The following FNDC3B variants were observed in gnomAD, a reference collection of about 807,000 sequenced individuals.
The protein encoded by FNDC3B is fibronectin type III domain-containing protein 3B.
In FNDC3B, 12 loss-of-function variants were observed where a neutral mutation model predicts 151.5. The ratio of observed to expected loss-of-function variants is 0.08; its 90% confidence interval spans 0.05 to 0.13. FNDC3B has a LOEUF of 0.13. FNDC3B is among the 10% of genes least tolerant of loss of function. The probability of loss-of-function intolerance (pLI) is 1.00; values close to 1 mark genes in which losing one functional copy is unlikely to be tolerated. For synonymous variants in FNDC3B, 528 were observed against 549.0 expected (o/e 0.96, Z 0.54); for missense variants, 1,214 against 1,505.3 (o/e 0.81, Z 3.20).
chr3:172,137,388 A>G (rs967994398), intron 3 of FNDC3B, among the ~76,000 whole-genome samples: 5 of 152,138 alleles, frequency 3.3e-5, no homozygotes, highest in African/African-American at 7.2e-5. Flanking sequence ...TGAGTAGGGA[A>G]GCTCACACCT....
At chr3:172,091,982 A>C (rs1042128467) in intron 1 of FNDC3B, among the ~76,000 whole-genome samples, 1 of 150,690 alleles carries the variant, frequency 6.6e-6, no homozygotes, top group Non-Finnish European at 1.5e-5. Context: ...TGTAAATTTG[A>C]CTATAAGATG....
chr3:172,387,457 T>C (rs1018391704), intron 25 of FNDC3B, among the ~76,000 whole-genome samples: 2 of 152,212 alleles, frequency 1.3e-5, no homozygotes, highest in African/African-American at 4.8e-5. Context: ...AATTAAACAA[T>C]GAGGCTATGA....
chr3:172,093,987 A>G (rs1242103817), intron 1 of FNDC3B, among the ~76,000 whole-genome samples: 1 of 152,224 alleles, frequency 6.6e-6, no homozygotes, highest in Non-Finnish European at 1.5e-5. Context: ...TCATGTCGTT[A>G]TGCAACCACC....
Position 172,284,606 on chromosome 3 carries a change from G to C in FNDC3B, c.791-1320G>C, listed in dbSNP as rs878860078. On this transcript the variant is annotated intron_variant, in intron 6 of 25. Transcript: ENST00000415807. ...CTGAACAGTAAGGACAAACAGGTCT[G>C]TGCAGAGCTGGGCGTATTAACCCAT... 1.3e-5 allele frequency among the ~76,000 whole-genome samples: 2 copies of C among 151,558 alleles called. 1 individual carries two copies. The highest frequency in any genetic ancestry group is 1.3e-4 in the Admixed American group (2 of 15,196).
chr3:172,085,948 T>C (rs150664109), intron 1 of FNDC3B, among the ~76,000 whole-genome samples: 289 of 152,354 alleles, frequency 1.9e-3, no homozygotes, highest in African/African-American at 6.4e-3. Context: ...AGAGAGCTTT[T>C]ATTTTTCTGT....
chr3:172,376,041 C>A (rs1735122035), intron 23 of FNDC3B, among the ~76,000 whole-genome samples: 1 of 152,182 alleles, frequency 6.6e-6, no homozygotes, highest in South Asian at 2.1e-4. Flanking sequence ...TTAACACTGT[C>A]TCCAGACATA....
intron 1 of FNDC3B, among the ~76,000 whole-genome samples, chr3:172,093,548 G>A (rs1298516553): frequency 1.3e-5 from 2 of 152,084 alleles, no homozygotes; most frequent in South Asian, 2.1e-4. Context: ...GTGAGTCACC[G>A]CGCCCGGCCC....
chr3:172,186,083 T>C (rs1436610670), intron 3 of FNDC3B, among the ~76,000 whole-genome samples: 1 of 152,236 alleles, frequency 6.6e-6, no homozygotes, highest in South Asian at 2.1e-4. Context: ...AAAGCTGAAG[T>C]AAGGATTTCA....
At chr3:172,057,666 A>C (rs1716981102) in intron 1 of FNDC3B, among the ~76,000 whole-genome samples, 1 of 151,070 alleles carries the variant, frequency 6.6e-6, no homozygotes, top group Admixed American at 6.6e-5. Flanking sequence ...TTAATGCTGG[A>C]GAAAAATAAC....
intron 3 of FNDC3B, among the ~76,000 whole-genome samples, chr3:172,204,970 C>T (rs999350760): frequency 6.6e-6 from 1 of 152,204 alleles, no homozygotes; most frequent in Non-Finnish European, 1.5e-5. Context: ...AACAGCTTCA[C>T]TCGGCATTGT....
intron 1 of FNDC3B, among the ~76,000 whole-genome samples, chr3:172,099,296 G>A (rs559988549): frequency 6.6e-6 from 1 of 152,152 alleles, no homozygotes; most frequent in South Asian, 2.1e-4. Flanking sequence ...TGCTTTGGAA[G>A]ACTTCTTTTG....
chr3:172,292,027 C>T (rs1039408488), intron 7 of FNDC3B, among the ~76,000 whole-genome samples: 2 of 152,154 alleles, frequency 1.3e-5, no homozygotes, highest in African/African-American at 4.8e-5. Flanking sequence ...GTGACATTCT[C>T]TTGAAAGACA....
intron 1 of FNDC3B, among the ~76,000 whole-genome samples, chr3:172,045,967 A>C (rs1215223109): frequency 6.6e-6 from 1 of 152,152 alleles, no homozygotes; most frequent in Non-Finnish European, 1.5e-5. Context: ...AGGTACCTCC[A>C]GTGAGATGCC....
intron 6 of FNDC3B, among the ~76,000 whole-genome samples, chr3:172,284,313 T>C (rs1280797093): frequency 6.6e-6 from 1 of 152,198 alleles, no homozygotes; most frequent in Non-Finnish European, 1.5e-5. Flanking sequence ...AAGAGACCTA[T>C]GTGTGGCTCA....
intron 1 of FNDC3B, among the ~76,000 whole-genome samples, chr3:172,049,783 T>C (rs1716553554): frequency 6.6e-6 from 1 of 152,198 alleles, no homozygotes; most frequent in Non-Finnish European, 1.5e-5. Flanking sequence ...CGCCTCTACC[T>C]CCCAAAGTCC....
chr3:172,198,013 C>A (rs1001941905), intron 3 of FNDC3B, among the ~76,000 whole-genome samples: 7 of 152,256 alleles, frequency 4.6e-5, no homozygotes, highest in Admixed American at 2.6e-4. Context: ...TGTAATAGTA[C>A]CAACTCATGG....
intron 24 of FNDC3B, 29 bp from the exon 25 acceptor site, chr3:172,380,937 G>T: frequency 6.2e-7 from 1 of 1,610,138 alleles, no homozygotes; most frequent in South Asian, 1.1e-5. Context: ...TTTGAATTTT[G>T]AGCTTGGATG....
intron 9 of FNDC3B, among the ~76,000 whole-genome samples, chr3:172,300,182 A>G (rs535151056): frequency 1.3e-5 from 2 of 152,248 alleles, no homozygotes; most frequent in South Asian, 2.1e-4. Context: ...AGCTAAGATG[A>G]TAATAGAAAT....
chr3:172,126,584 T>G (rs1240900397), intron 2 of FNDC3B, among the ~76,000 whole-genome samples: 1 of 152,254 alleles, frequency 6.6e-6, no homozygotes, highest in Non-Finnish European at 1.5e-5. Flanking sequence ...ACAGCTTCTT[T>G]CAACTTTGTA....
Sources: allele counts gnomAD v4.1 joint callset (sites outside exome capture counted in the v4.1 genomes callset), GRCh38; gene constraint gnomAD v4.1.1; transcripts MANE v1.5; gene names NCBI Gene and HGNC (gene_info 2026-07-23, HGNC 2026-07-21).